The following PLCB4 variants were observed in gnomAD, a reference collection of about 807,000 sequenced individuals.
The protein encoded by PLCB4 is 1-phosphatidylinositol 4,5-bisphosphate phosphodiesterase beta-4.
In PLCB4, 77 loss-of-function variants were observed where a neutral mutation model predicts 178.8. The observed-to-expected ratio is 0.43, with a 90% confidence interval of 0.36 to 0.52. The LOEUF (loss-of-function observed/expected upper bound fraction) is 0.52, where lower values mean the gene tolerates loss of function less well. Among genes scored for constraint, PLCB4 ranks in the 20% least tolerant of loss-of-function variants. The pLI is 0.00. For synonymous variants in PLCB4, 496 were observed against 490.8 expected (o/e 1.01, Z -0.14); for missense variants, 1,024 against 1,453.4 (o/e 0.70, Z 4.80).
chr20:9,420,295 A>G (rs773276534), intron 26 of PLCB4, among the ~76,000 whole-genome samples: 1 of 152,134 alleles, frequency 6.6e-6, no homozygotes, highest in Non-Finnish European at 1.5e-5. Context: ...GTGGTTTCGC[A>G]GATGTGCTCA....
intron 32 of PLCB4, among the ~76,000 whole-genome samples, chr20:9,445,565 G>A (rs2042365272): frequency 6.6e-6 from 1 of 152,072 alleles, no homozygotes; most frequent in African/African-American, 2.4e-5. Context: ...ATTTTTTTTA[G>A]AAGTTAGGCC....
intron 24 of PLCB4, 98 bp from the exon 25 acceptor site, chr20:9,410,939 G>C (rs2039813101): frequency 3.8e-6 from 3 of 793,960 alleles, no homozygotes; most frequent in Admixed American, 1.9e-5. Flanking sequence ...GGACCTGTGG[G>C]CCTAGGAGCA....
chr20:9,324,431 AAACAACAAC>A (rs556728074), intron 4 of PLCB4, among the ~76,000 whole-genome samples: 3 of 152,052 alleles, frequency 2.0e-5, no homozygotes, highest in African/African-American at 7.2e-5. Flanking sequence ...TCTGTCTCAA[AAACAACAAC>A]AACAACAACA....
chr20:9,106,758 G>C (rs2091380151), intron 2 of PLCB4, among the ~76,000 whole-genome samples: 1 of 151,988 alleles, frequency 6.6e-6, no homozygotes, highest in Non-Finnish European at 1.5e-5. Flanking sequence ...CTTTGTGAAG[G>C]GAAGATTGGC....
intron 3 of PLCB4, among the ~76,000 whole-genome samples, chr20:9,281,460 A>G (rs1308109489): frequency 1.3e-5 from 2 of 152,004 alleles, no homozygotes; most frequent in Non-Finnish European, 2.9e-5. Context: ...AATATTTAAA[A>G]TAAGTCATGG....
intron 4 of PLCB4, among the ~76,000 whole-genome samples, chr20:9,317,834 C>T (rs958398939): frequency 1.2e-4 from 19 of 152,200 alleles, no homozygotes; most frequent in African/African-American, 4.6e-4. Context: ...CGTGGTGGCT[C>T]ACGCCTGTAA....
intron 17 of PLCB4, 22 bp downstream of exon 17, chr20:9,390,637 T>C (rs1278506829): frequency 8.4e-7 from 1 of 1,189,448 alleles, no homozygotes; most frequent in South Asian, 1.2e-5. Flanking sequence ...TAACAAACCA[T>C]ATTTCTAGCA....
intron 2 of PLCB4, among the ~76,000 whole-genome samples, chr20:9,178,130 C>A (rs1220929268): frequency 2.0e-5 from 3 of 152,216 alleles, no homozygotes; most frequent in East Asian, 3.9e-4. Flanking sequence ...ACCATTCTGA[C>A]CAACATGGTG....
At chr20:9,264,269 T>G (rs6118547) in intron 3 of PLCB4, among the ~76,000 whole-genome samples, 4,824 of 152,246 alleles carry the variant, frequency 0.032, 129 homozygotes, top group African/African-American at 0.064. Flanking sequence ...TCTTTTATAC[T>G]CCCTAAAAGG....
chr20:9,379,932 T>C (rs1426501312), intron 12 of PLCB4, 122 bp from the exon 13 acceptor site: 5 of 564,712 alleles, frequency 8.9e-6, no homozygotes, highest in Non-Finnish European at 1.6e-5. Context: ...TGAGGTCCTA[T>C]CTTTGTAATT....
intron 32 of PLCB4, among the ~76,000 whole-genome samples, chr20:9,444,663 G>A (rs774410713): frequency 2.6e-5 from 4 of 152,174 alleles, no homozygotes; most frequent in Non-Finnish European, 5.9e-5. Flanking sequence ...TCAGGAGGCT[G>A]AGGCAGGAGA....
At chr20:9,339,247 C>T (rs759999651) in intron 7 of PLCB4, among the ~76,000 whole-genome samples, 17 of 152,240 alleles carry the variant, frequency 1.1e-4, no homozygotes, top group Admixed American at 7.2e-4. Context: ...ATACCTACTA[C>T]GATATGTTGT....
chr20:9,342,097 C>T (rs994978879), intron 7 of PLCB4, among the ~76,000 whole-genome samples: 15 of 152,138 alleles, frequency 9.9e-5, no homozygotes, highest in Non-Finnish European at 2.1e-4. Flanking sequence ...CTCTTGCCCC[C>T]TTCCTTATCT....
chr20:9,070,518 A>G (rs534226959), intron 1 of PLCB4, among the ~76,000 whole-genome samples: 17 of 152,302 alleles, frequency 1.1e-4, no homozygotes, highest in South Asian at 8.3e-4. Flanking sequence ...TATGTAATCC[A>G]GAATGCTGTT....
intron 35 of PLCB4, among the ~76,000 whole-genome samples, chr20:9,462,813 G>C (rs2043491695): frequency 6.6e-6 from 1 of 152,162 alleles, no homozygotes; most frequent in Non-Finnish European, 1.5e-5. Context: ...AAAGTGATGG[G>C]GAGAATGGAA....
At chr20:9,432,054 G>A (rs1289553519) in intron 28 of PLCB4, among the ~76,000 whole-genome samples, 1 of 152,030 alleles carries the variant, frequency 6.6e-6, no homozygotes, top group South Asian at 2.1e-4. Flanking sequence ...TACCAGTGGG[G>A]AATAGTTTGA....
At chr20:9,268,177 A>G (rs188623711) in intron 3 of PLCB4, among the ~76,000 whole-genome samples, 1 of 152,220 alleles carries the variant, frequency 6.6e-6, no homozygotes, top group Non-Finnish European at 1.5e-5. Flanking sequence ...TTTTGATGAC[A>G]AAAACAAACT....
intron 3 of PLCB4, among the ~76,000 whole-genome samples, chr20:9,229,208 G>A (rs1326626579): frequency 1.3e-5 from 2 of 152,180 alleles, no homozygotes; most frequent in East Asian, 1.9e-4. Flanking sequence ...ACAGTCTCCT[G>A]TCTGATTCAT....
intron 3 of PLCB4, among the ~76,000 whole-genome samples, chr20:9,287,197 G>A (rs1029125274): frequency 6.6e-6 from 1 of 151,982 alleles, no homozygotes; most frequent in Non-Finnish European, 1.5e-5. Flanking sequence ...TGGAATATAT[G>A]AGTTAGAAAA....
Sources: gnomAD v4.1 joint callset for allele counts (sites outside exome capture counted in the v4.1 genomes callset) on GRCh38, gnomAD v4.1.1 for gene constraint, MANE v1.5 for transcripts, NCBI Gene and HGNC (gene_info 2026-07-23, HGNC 2026-07-21) for gene names.